Variants in CDH13 observed in about 807,000 individuals in gnomAD.
The protein encoded by CDH13 is cadherin-13.
CDH13 carries 24 observed loss-of-function variants against 63.8 expected under a neutral mutation model. The observed-to-expected ratio is 0.38, with a 90% confidence interval of 0.27 to 0.53. CDH13 has a LOEUF of 0.53. Among genes scored for constraint, CDH13 ranks in the 20% least tolerant of loss-of-function variants. The pLI is 0.85. For synonymous variants in CDH13, 503 were observed against 355.3 expected, an observed-to-expected ratio of 1.42 and a Z score of -4.67; for missense variants, 1,049 against 903.1, an observed-to-expected ratio of 1.16 and a Z score of -2.07.
chr16:82,827,474 G>A (rs982851978), intron 1 of CDH13, among the ~76,000 whole-genome samples: 2 of 152,148 alleles, frequency 1.3e-5, no homozygotes, highest in African/African-American at 4.8e-5. Context: ...TGCATTTCAT[G>A]AGGCAGTGAT....
intron 3 of CDH13, among the ~76,000 whole-genome samples, chr16:83,072,820 G>C (rs973791731): frequency 1.3e-5 from 2 of 152,178 alleles, no homozygotes; most frequent in Non-Finnish European, 2.9e-5. Context: ...TACTGAATCA[G>C]AGTCTGTATT....
intron 6 of CDH13, among the ~76,000 whole-genome samples, chr16:83,394,896 C>G (rs139104501): frequency 1.4e-4 from 21 of 152,194 alleles, no homozygotes; most frequent in African/African-American, 3.9e-4. Context: ...GCCTGTAATC[C>G]CAACACTCTG....
chr16:83,763,217 A>T (rs1204956665), intron 11 of CDH13, among the ~76,000 whole-genome samples: 1 of 152,206 alleles, frequency 6.6e-6, no homozygotes, highest in Non-Finnish European at 1.5e-5. Context: ...GGTTGCCAAG[A>T]AGACACACAG....
At chr16:82,906,422 A>G (rs767697781) in intron 2 of CDH13, among the ~76,000 whole-genome samples, 2 of 152,138 alleles carry the variant, frequency 1.3e-5, no homozygotes, top group East Asian at 1.9e-4. Context: ...CCTTGAAGCA[A>G]TCATGAACCC....
At chr16:83,644,353 G>C (rs1303538979) in intron 8 of CDH13, among the ~76,000 whole-genome samples, 1 of 152,070 alleles carries the variant, frequency 6.6e-6, no homozygotes, top group East Asian at 1.9e-4. Context: ...CCCACCATTT[G>C]ACCAACTTCA....
At chr16:83,026,211 T>G (rs1271840491) in intron 2 of CDH13, among the ~76,000 whole-genome samples, 1 of 152,230 alleles carries the variant, frequency 6.6e-6, no homozygotes, top group Non-Finnish European at 1.5e-5. Context: ...GTTTGTGAGA[T>G]GCCCAAGGGG....
chr16:83,770,252 A>G (rs1444829656), intron 11 of CDH13, among the ~76,000 whole-genome samples: 2 of 152,126 alleles, frequency 1.3e-5, no homozygotes, highest in Admixed American at 6.5e-5. Flanking sequence ...TACCCTTTCT[A>G]CCAGTGTTTA....
chr16:83,678,725 G>C (rs1051178615), intron 10 of CDH13, among the ~76,000 whole-genome samples: 3 of 152,168 alleles, frequency 2.0e-5, no homozygotes, highest in African/African-American at 7.2e-5. Context: ...GACCAGCCGG[G>C]TCTGCTGGCC....
At chr16:83,421,843 A>C (rs1483962790) in intron 6 of CDH13, among the ~76,000 whole-genome samples, 1 of 152,220 alleles carries the variant, frequency 6.6e-6, no homozygotes, top group Non-Finnish European at 1.5e-5. Flanking sequence ...TTCCATAATT[A>C]GTTCTTTTGA....
chr16:82,632,874 G>T (rs1011046275), intron 1 of CDH13, among the ~76,000 whole-genome samples: 1 of 152,096 alleles, frequency 6.6e-6, no homozygotes, highest in Non-Finnish European at 1.5e-5. Context: ...CCATCTGGGG[G>T]TGATGGGAGA....
chr16:82,671,751 A>G (rs1020977435), intron 1 of CDH13, among the ~76,000 whole-genome samples: 20 of 152,172 alleles, frequency 1.3e-4, no homozygotes, highest in Non-Finnish European at 2.5e-4. Context: ...TTGGTATTCT[A>G]AAGACTAGAG....
chr16:83,085,305 A>G (rs544408930), intron 3 of CDH13, among the ~76,000 whole-genome samples: 2 of 152,278 alleles, frequency 1.3e-5, no homozygotes, highest in South Asian at 4.1e-4. Context: ...AGCACAGGAA[A>G]GACCAGCCCC....
chr16:83,180,864 T>G (rs1329974221), intron 4 of CDH13: 3 of 1,515,240 alleles, frequency 2.0e-6, no homozygotes, highest in African/African-American at 1.4e-5. Context: ...TTTTTTTTTC[T>G]TACAGAGAAC....
chr16:83,659,168 G>C (rs542248210), intron 8 of CDH13, among the ~76,000 whole-genome samples: 1 of 144,508 alleles, frequency 6.9e-6, no homozygotes, highest in Admixed American at 6.9e-5. Context: ...TCACCACCAG[G>C]TCCCATATCC....
At chr16:83,609,407 G>C (rs1033812830) in intron 8 of CDH13, among the ~76,000 whole-genome samples, 1 of 152,120 alleles carries the variant, frequency 6.6e-6, no homozygotes, top group Non-Finnish European at 1.5e-5. Flanking sequence ...ACACATATTA[G>C]CTAAGTTGTC....
At chr16:83,761,195 A>C (rs1460204030) in intron 11 of CDH13, among the ~76,000 whole-genome samples, 1 of 152,226 alleles carries the variant, frequency 6.6e-6, no homozygotes, top group Non-Finnish European at 1.5e-5. Flanking sequence ...AGGTTAACAG[A>C]AATAAAGAGC....
chr16:83,166,478 T>G (rs73606311), intron 4 of CDH13, among the ~76,000 whole-genome samples: 15,956 of 152,074 alleles, frequency 0.1, 1,655 homozygotes, highest in African/African-American at 0.26. Context: ...CCTCCTTTCC[T>G]TCCAAGATCA....
At chr16:83,610,730 G>T (rs1378149971) in intron 8 of CDH13, among the ~76,000 whole-genome samples, 1 of 152,146 alleles carries the variant, frequency 6.6e-6, no homozygotes, top group Non-Finnish European at 1.5e-5. Context: ...TGGGCATTTG[G>T]GTTATTTCCA....
chr16:82,862,890 C>T (rs1056531345), intron 2 of CDH13, among the ~76,000 whole-genome samples: 1 of 152,202 alleles, frequency 6.6e-6, no homozygotes, highest in Non-Finnish European at 1.5e-5. Context: ...CAACTTGGTC[C>T]TACCATCTTG....
Sources: allele counts gnomAD v4.1 joint callset (sites outside exome capture counted in the v4.1 genomes callset), GRCh38; gene constraint gnomAD v4.1.1; transcripts MANE v1.5; gene names NCBI Gene and HGNC (gene_info 2026-07-23, HGNC 2026-07-21).